Variants in IDI1 observed in about 807,000 individuals in gnomAD.
IDI1 encodes the protein isopentenyl-diphosphate Delta-isomerase 1.
IDI1 carries 23 observed loss-of-function variants against 32.9 expected under a neutral mutation model. The observed-to-expected ratio is 0.70, with a 90% confidence interval of 0.50 to 0.99. IDI1 has a LOEUF of 0.99. Among genes scored for constraint, IDI1 ranks in the 50% least tolerant of loss-of-function variants. The pLI is 0.00. For missense variants in IDI1, 326 were observed against 351.9 expected (o/e 0.93, Z 0.59); for synonymous variants, 133 against 128.2 (o/e 1.04, Z -0.25).
rs1157357930 is a variant in IDI1, at chr10:1,048,982, C to G, written c.22G>C (p.Ala8Pro). The stretch of plus-strand genomic sequence containing the variant: ...CGGGCCGCGCAGCCAATCGCTCGCG[C>G]CAGCGCCAGTCCACGCCACATCGCC... The part of the protein sequence containing the change: MWRGLAL[A>P]RAIGCAARGR... The change falls in exon 1 of 5, where the codon GCG (alanine) becomes CCG (proline). Residue 8 changes from alanine to proline, a missense_variant. By Grantham distance (27) the Ala-to-Pro change is conservative. Coordinates refer to ENST00000381344, the MANE Select transcript of IDI1 (RefSeq NM_004508.4). 2.0e-6 allele frequency: 3 copies of G among 1,530,010 alleles called. No individual in the cohort carries two copies. In the Admixed American group the frequency reaches 6.0e-5, roughly 31 times the overall value. 94.8% of individuals were successfully genotyped at this position (1,530,010 alleles called of 1,614,324 possible).
At chr10:1,053,927 A>T (rs1833077204), upstream of IDI1, among the ~76,000 whole-genome samples, 1 of 152,062 alleles carries the variant, frequency 6.6e-6, no homozygotes, top group South Asian at 2.1e-4. Flanking sequence ...TGTCTCAAGG[A>T]TAGGGAGGTC....
At chr10:1,055,244 C>T in the IDI1 span, among the ~76,000 whole-genome samples, 12 of 152,148 alleles carry the variant, frequency 7.9e-5, no homozygotes, top group Non-Finnish European at 1.6e-4. Flanking sequence ...TTTAGAATAA[C>T]TTTTACTTTA....
chr10:1,051,007 C>T (rs1052845942), upstream of IDI1, among the ~76,000 whole-genome samples: 3 of 152,168 alleles, frequency 2.0e-5, no homozygotes, highest in African/African-American at 7.2e-5. Flanking sequence ...GTGGATTTTC[C>T]AATTACTATT....
chr10:1,039,172 G>A (rs1203539147), downstream of IDI1: 1 of 136,558 alleles, frequency 7.3e-6, no homozygotes, highest in Admixed American at 7.7e-5. Context: ...CCACAGGGAC[G>A]CACTGCGGGT....
rs1277124965 is a variant in IDI1, at chr10:1,039,551, C to T, written c.*1636G>A. ...CATCTGCCTTTGGGGTCAGAAGCAG[C>T]TATATCTAGGAGAGGGATACTCCTC... On this transcript the variant is annotated 3_prime_UTR_variant, in exon 5 of 5. Transcript: ENST00000381344. The T allele has an allele frequency of 6.6e-6, 1 of 152,186 alleles. No homozygotes were observed. Among genetic ancestry groups the T allele is most frequent in the Non-Finnish European group, 1.5e-5 (1 of 68,032 alleles). The allele number at this position is 152,186 out of a possible 1,614,324, so 9.4% of individuals were successfully genotyped here. A position where few individuals can be genotyped will look rare whatever the true frequency, so the allele number is the denominator to read the frequency against.
rs1832563536 is a variant in IDI1, at chr10:1,041,088, A to G, written c.*99T>C. The G allele has an allele frequency of 1.4e-6, 1 of 712,734 alleles. No individual in the cohort carries two copies. The highest frequency in any genetic ancestry group is 2.3e-6 in the Non-Finnish European group (1 of 436,230). The allele number at this position is 712,734 out of a possible 1,614,324, so 44.2% of individuals were successfully genotyped here. On this transcript the variant is annotated 3_prime_UTR_variant, in exon 5 of 5. Transcript: ENST00000381344. Reference sequence around the variant, plus strand: ...TGATAGTACCAAATGATAGAACTAAATTTAATGATAAATTAATGATAGAAC... The same window carrying G: ...TGATAGTACCAAATGATAGAACTAAGTTTAATGATAAATTAATGATAGAAC...
intron 1 of IDI1, chr10:1,048,268 T>C: frequency 7.7e-7 from 1 of 1,304,228 alleles, no homozygotes; most frequent in Non-Finnish European, 1.0e-6. Flanking sequence ...GAATACCATG[T>C]AGTAGACGCG....
In IDI1 at chr10:1,048,986, C is replaced by A. The variant is rs555984432; in HGVS notation, c.18G>T (p.Ala6=). Residue 6 remains alanine (A), a synonymous_variant, in exon 1 of 5, where the codon GCG becomes GCT. Transcript: ENST00000381344. ...CCGCGCAGCCAATCGCTCGCGCCAGCGCCAGTCCACGCCACATCGCCCGGC... is the reference window on the plus strand; with the variant it reads ...CCGCGCAGCCAATCGCTCGCGCCAGAGCCAGTCCACGCCACATCGCCCGGC... MWRGL[A]LARAIGCAAR... is the part of the protein sequence containing the mutation. The A allele has an allele frequency of 6.1e-5, 92 of 1,512,470 alleles. 2 individuals are homozygous for A. The South Asian group carries it at 1.1e-3, about 17-fold the overall frequency. 93.7% of individuals were successfully genotyped at this position (1,512,470 alleles called of 1,614,324 possible).
At chr10:1,044,490 T>G (rs2131577918) in intron 1 of IDI1, among the ~76,000 whole-genome samples, 1 of 152,334 alleles carries the variant, frequency 6.6e-6, no homozygotes, top group South Asian at 2.1e-4. Flanking sequence ...CTTCTCTGGT[T>G]TTTGGCCCCA....
Position 1,043,313 on chromosome 10 carries a change from T to C in IDI1, c.394A>G (p.Ile132Val). Reference protein sequence around the residue: ...LLLQQRSDAKITFPGCFTNTC... With the variant: ...LLLQQRSDAKVTFPGCFTNTC... ...AAAGTGTACTAACCTGGAAAGGTAA[T>C]CTTAGCATCTGATCTTTGCTGTAGC... is the stretch of plus-strand genomic sequence containing the variant. The change falls in exon 3 of 5, where the codon ATT becomes GTT. Residue 132 changes from isoleucine to valine, a missense_variant. Physicochemically the swap from Ile to Val is conservative, Grantham distance 29 (BLOSUM62 3). Around this residue, in one of 2 missense-constraint regions of IDI1, gnomAD observed 205 missense variants for 273.5 expected, o/e 0.75. Coordinates refer to ENST00000381344, the MANE Select transcript of IDI1 (RefSeq NM_004508.4). 6.3e-7 allele frequency: 1 copy of C among 1,592,630 alleles called. No individual in the cohort carries two copies. Among genetic ancestry groups the C allele is most frequent in the Non-Finnish European group, 8.6e-7 (1 of 1,160,780 alleles).
chr10:1,043,393 C>T lies in IDI1; in HGVS notation c.314G>A (p.Gly105Glu). Residue 105 changes from glycine to glutamate, a missense_variant and splice_region_variant, in exon 3 of 5, where the codon GGA (glycine) becomes GAA (glutamate). Transcript: ENST00000381344. ...GACACTAAAAGCTCGATGCAATAAT[C>T]CTGAAAGCAAAAGAAATAACAATTA... ...NCHLNENIEK[G>E]LLHRAFSVFL... 13 of 1,584,980 alleles carry T rather than the reference C, an allele frequency of 8.2e-6. No individual in the cohort carries two copies. The highest frequency in any genetic ancestry group is 1.1e-5 in the Non-Finnish European group (13 of 1,153,478).
rs1196515354 is a variant in IDI1, at chr10:1,041,310, GGCT to G, written c.729_731del (p.Ala244del). ...ATGGCGTTATCTTAATTTCACCACT[GGCT>G]GCTTTTTTCAGAAGTTCTTTTAGTT... On this transcript the variant is annotated inframe_deletion, in exon 5 of 5. Transcript: ENST00000381344. 2 of 1,613,298 alleles carry G rather than the reference GGCT, an allele frequency of 1.2e-6. No homozygotes were observed. The highest frequency in any genetic ancestry group is 2.2e-5 in the East Asian group (1 of 44,816).
chr10:1,041,183 A>G lies in IDI1; in HGVS notation c.*4T>C. The G allele has an allele frequency of 6.5e-7, 1 of 1,535,324 alleles. No homozygotes were observed. Among genetic ancestry groups the G allele is most frequent in the Admixed American group, 1.8e-5 (1 of 55,782 alleles). ...AATTTTTCTGTAATCATTTACCTAC[A>G]TATTCACATTCTGTATATTTTCTCA... On this transcript the variant is annotated 3_prime_UTR_variant, in exon 5 of 5. Coordinates refer to ENST00000381344, the MANE Select transcript of IDI1 (RefSeq NM_004508.4).
Position 1,044,157 on chromosome 10 carries a change from A to G in IDI1, c.155T>C (p.Ile52Thr), listed in dbSNP as rs777482837. The change falls in exon 2 of 5, where the codon ATC becomes ACC. Residue 52 changes from isoleucine (I) to threonine (T), a missense_variant. This residue lies in a region of IDI1 where 121 missense variants were observed against 78.4 expected (regional missense o/e 1.54). Coordinates refer to ENST00000381344, the MANE Select transcript of IDI1 (RefSeq NM_004508.4). ...GRRLISVLEQ[I>T]RHFVMMPEIN... ...TTCAGGCATCATTACAAAATGTCTG[A>G]TCTGTTCTAGAACACTAATATTAAA... 1.9e-6 allele frequency: 3 copies of G among 1,613,170 alleles called. No homozygotes were observed. Among genetic ancestry groups the G allele is most frequent in the Non-Finnish European group, 2.5e-6 (3 of 1,179,370 alleles).
rs1344670195 is a variant in IDI1 at position 1,044,213 on chromosome 10, T to C, written c.141-42A>G. ...AGAGAAAGAAAGGCCATCATATATT[T>C]TTCTGAATGTCATATAAACACAGGT... On this transcript the variant is annotated intron_variant, in intron 1 of 4. Coordinates refer to ENST00000381344, the MANE Select transcript of IDI1 (RefSeq NM_004508.4). 2.0e-6 allele frequency: 3 copies of C among 1,483,938 alleles called. No homozygotes were observed. In the South Asian group the frequency reaches 3.5e-5, roughly 17 times the overall value. 91.9% of individuals were successfully genotyped at this position (1,483,938 alleles called of 1,614,324 possible).
chr10:1,049,661 A>AT (rs3053722), upstream of IDI1: 38,656 of 150,252 alleles, frequency 0.26, 4,981 homozygotes, highest in Admixed American at 0.29. Context: ...TACGTTCTAA[A>AT]TTTTTTTTTT....
chr10:1,049,105 A>G lies in IDI1; in HGVS notation c.-102T>C. The G allele has an allele frequency of 7.1e-7, 1 of 1,405,676 alleles. No homozygotes were observed. The highest frequency in any genetic ancestry group is 9.2e-7 in the Non-Finnish European group (1 of 1,087,290). The allele number at this position is 1,405,676 out of a possible 1,614,324, so 87.1% of individuals were successfully genotyped here. A position where few individuals can be genotyped will look rare whatever the true frequency, so the allele number is the denominator to read the frequency against. On this transcript the variant is annotated 5_prime_UTR_variant, in exon 1 of 5. Transcript: ENST00000381344. Reference sequence around the variant, plus strand: ...GCCTGTGACAACGGCAGACGCGCGAAGCACCGGGAACCTGAGCCGTGACCG... The same window carrying G: ...GCCTGTGACAACGGCAGACGCGCGAGGCACCGGGAACCTGAGCCGTGACCG...
intron 2 of IDI1, 198 bp downstream of exon 2, chr10:1,043,801 G>C (rs914296964): frequency 3.0e-6 from 2 of 673,288 alleles, no homozygotes; most frequent in Middle Eastern, 2.8e-4. Flanking sequence ...CCGAGTAACA[G>C]GCATGAAGTG....
chr10:1,054,199 C>T, the IDI1 span, among the ~76,000 whole-genome samples: 1 of 152,172 alleles, frequency 6.6e-6, no homozygotes, highest in Non-Finnish European at 1.5e-5. Context: ...AGACTTGCTC[C>T]ATGCAGGGCT....
Sources: allele counts gnomAD v4.1 joint callset (sites outside exome capture counted in the v4.1 genomes callset), GRCh38; gene constraint gnomAD v4.1.1; regional missense constraint gnomAD v4.1.1; transcripts MANE v1.5; gene names NCBI Gene and HGNC (gene_info 2026-07-23, HGNC 2026-07-21).